The following GAS7 variants were observed in gnomAD, a reference collection of about 807,000 sequenced individuals.
GAS7 encodes the protein growth arrest-specific protein 7.
In GAS7, 28 loss-of-function variants were observed where a neutral mutation model predicts 71.1. The ratio of observed to expected loss-of-function variants is 0.39; its 90% CI spans 0.29 to 0.54. The LOEUF is 0.54. Ranked by LOEUF, GAS7 falls within the 20% of genes least tolerant of loss-of-function variation. The pLI is 0.62. For synonymous variants in GAS7, 258 were observed against 245.8 expected (o/e 1.05, Z -0.46); for missense variants, 436 against 627.8 (o/e 0.69, Z 3.27).
At chr17:10,100,376 C>A (rs2073686730) in intron 1 of GAS7, among the ~76,000 whole-genome samples, 1 of 152,162 alleles carries the variant, frequency 6.6e-6, no homozygotes, top group South Asian at 2.1e-4. Flanking sequence ...AAGTTCAGCA[C>A]AGAATGCCAC....
chr17:10,009,089 G>A (rs1343071824), intron 2 of GAS7, among the ~76,000 whole-genome samples: 1 of 152,080 alleles, frequency 6.6e-6, no homozygotes, highest in Admixed American at 6.6e-5. Context: ...GGGAGGCCGA[G>A]GCGGGCGGAT....
At chr17:10,029,141 G>A (rs2072545969) in intron 1 of GAS7, among the ~76,000 whole-genome samples, 1 of 152,190 alleles carries the variant, frequency 6.6e-6, no homozygotes, top group Non-Finnish European at 1.5e-5. Flanking sequence ...ATTTACGTGG[G>A]AAGACCAGTG....
intron 8 of GAS7, among the ~76,000 whole-genome samples, chr17:9,937,500 G>C (rs1169213153): frequency 4.6e-5 from 7 of 152,244 alleles, no homozygotes; most frequent in African/African-American, 2.4e-5. Flanking sequence ...CCCGTGCATG[G>C]AGCAGAAGGA....
chr17:10,053,669 G>T (rs900609824), intron 1 of GAS7, among the ~76,000 whole-genome samples: 4 of 152,166 alleles, frequency 2.6e-5, no homozygotes, highest in South Asian at 4.1e-4. Flanking sequence ...GAAAAAACGG[G>T]ACTGAGATTT....
intron 1 of GAS7, among the ~76,000 whole-genome samples, chr17:10,172,474 T>C (rs1487910932): frequency 1.3e-5 from 2 of 151,212 alleles, no homozygotes. Flanking sequence ...GAAAACAGAA[T>C]TCAAATGGAG....
At chr17:10,067,263 G>A (rs1374403950) in intron 1 of GAS7, among the ~76,000 whole-genome samples, 1 of 151,606 alleles carries the variant, frequency 6.6e-6, no homozygotes, top group African/African-American at 2.4e-5. Context: ...TCTTTTTTTT[G>A]AGATGGAGTC....
intron 1 of GAS7, among the ~76,000 whole-genome samples, chr17:10,043,229 C>T (rs942422429): frequency 3.3e-5 from 5 of 152,130 alleles, no homozygotes; most frequent in African/African-American, 1.2e-4. Context: ...CCCCAGGGCC[C>T]CTCTCCAAGA....
intron 1 of GAS7, among the ~76,000 whole-genome samples, chr17:10,078,208 C>A (rs567220102): frequency 6.6e-6 from 1 of 152,244 alleles, no homozygotes; most frequent in African/African-American, 2.4e-5. Flanking sequence ...CCTCCCACCT[C>A]AGGCTCCCCA....
intron 2 of GAS7, among the ~76,000 whole-genome samples, chr17:10,016,597 T>A (rs1597695309): frequency 1.1e-5 from 1 of 93,054 alleles, no homozygotes; most frequent in East Asian, 3.0e-4. Flanking sequence ...AAACCCTGTC[T>A]CTACCAAAAA....
At chr17:10,197,261 T>C (rs374181470) in intron 1 of GAS7, among the ~76,000 whole-genome samples, 92 of 152,248 alleles carry the variant, frequency 6.0e-4, no homozygotes, top group African/African-American at 2.1e-3. Context: ...AATAAATAAA[T>C]TCAGCCTCCA....
intron 2 of GAS7, among the ~76,000 whole-genome samples, chr17:10,007,180 C>A (rs1455903616): frequency 2.6e-5 from 4 of 152,008 alleles, no homozygotes; most frequent in African/African-American, 9.7e-5. Flanking sequence ...ATAAAGTTGA[C>A]ATTTTTTCTC....
intron 2 of GAS7, among the ~76,000 whole-genome samples, chr17:10,008,139 T>C (rs2071614695): frequency 6.6e-6 from 1 of 152,258 alleles, no homozygotes; most frequent in South Asian, 2.1e-4. Context: ...CATCAGTTGA[T>C]GGGCATTTTG....
At chr17:10,029,809 GC>G (rs2072565649) in intron 1 of GAS7, among the ~76,000 whole-genome samples, 2 of 151,844 alleles carry the variant, frequency 1.3e-5, no homozygotes, top group African/African-American at 2.4e-5. Context: ...CTGAGATCAT[GC>G]CACTGCACTC....
At chr17:10,125,066 G>GT (rs1491521959) in intron 1 of GAS7, among the ~76,000 whole-genome samples, 1 of 104,950 alleles carries the variant, frequency 9.5e-6, no homozygotes, top group East Asian at 3.9e-4. Flanking sequence ...TTTAATAGCA[G>GT]TAAAAAAAAA....
intron 2 of GAS7, among the ~76,000 whole-genome samples, chr17:10,010,100 G>A (rs1271322785): frequency 1.3e-5 from 2 of 151,982 alleles, no homozygotes; most frequent in African/African-American, 4.8e-5. Flanking sequence ...CCTTTACCAT[G>A]CAGGGACTTC....
At chr17:10,038,136 T>C (rs2072790983) in intron 1 of GAS7, among the ~76,000 whole-genome samples, 1 of 151,238 alleles carries the variant, frequency 6.6e-6, no homozygotes, top group African/African-American at 2.4e-5. Context: ...GACGGGTGGA[T>C]CACTTGAGGC....
At chr17:9,932,239 G>A (rs1168035836) in intron 9 of GAS7, among the ~76,000 whole-genome samples, 1 of 139,406 alleles carries the variant, frequency 7.2e-6, no homozygotes, top group African/African-American at 2.7e-5. Flanking sequence ...TCTGTTGCCA[G>A]GCTGGAGTGC....
Position 10,107,933 on chromosome 17 carries a change from G to A in GAS7, c.184-88036C>T, listed in dbSNP as rs146503787. Among the ~76,000 whole-genome samples the A allele has an allele frequency of 4.0e-4, 60 of 150,964 alleles. No homozygotes were observed. In the East Asian group the frequency reaches 0.011, roughly 27 times the overall value. On this transcript the variant is annotated intron_variant, in intron 1 of 13. Coordinates refer to ENST00000432992, the MANE Select transcript of GAS7 (RefSeq NM_201433.2). Reference sequence around the variant, plus strand: ...TGGTGGTGGGCTGGTTAGGGAAACCGCCTTACACACAGTCCAGTGGGAGCT... The same window carrying A: ...TGGTGGTGGGCTGGTTAGGGAAACCACCTTACACACAGTCCAGTGGGAGCT...
chr17:10,003,836 A>G (rs1421212316), intron 2 of GAS7, among the ~76,000 whole-genome samples: 1 of 152,304 alleles, frequency 6.6e-6, no homozygotes, highest in South Asian at 2.1e-4. Flanking sequence ...ATCCTGCATG[A>G]CTAACTTCTC....
Sources: allele counts gnomAD v4.1 joint callset (sites outside exome capture counted in the v4.1 genomes callset), GRCh38; gene constraint gnomAD v4.1.1; transcripts MANE v1.5; gene names NCBI Gene and HGNC (gene_info 2026-07-23, HGNC 2026-07-21).